Variants in USP39 observed in about 807,000 individuals in gnomAD.
USP39 encodes the protein ubiquitin carboxyl-terminal hydrolase 39.
Under a neutral mutation model 66.4 loss-of-function variants are expected in USP39, and 38 were observed. That is an observed-to-expected ratio of 0.57 (90% CI 0.44 to 0.75). The LOEUF (loss-of-function observed/expected upper bound fraction) is 0.75. Ranked by LOEUF, USP39 falls within the 30% of genes least tolerant of loss-of-function variation. The pLI, the probability that USP39 is intolerant of heterozygous loss-of-function variation, is 0.00. For missense variants in USP39, 608 were observed against 714.4 expected (o/e 0.85, Z 1.70); for synonymous variants, 303 against 274.6 (o/e 1.10, Z -1.02).
At chr2:85,647,108 C>G (rs748541430) in intron 11 of USP39, among the ~76,000 whole-genome samples, 3 of 152,062 alleles carry the variant, frequency 2.0e-5, no homozygotes, top group Non-Finnish European at 4.4e-5. Context: ...AGGCTGGTCT[C>G]AAACTCCTTA....
upstream of USP39, chr2:85,608,889 G>T: frequency 6.2e-7 from 1 of 1,600,512 alleles, no homozygotes; most frequent in Non-Finnish European, 8.5e-7. Flanking sequence ...AAATTCCCTG[G>T]GCAGAATTCT....
At chr2:85,634,421 A>T (rs1409396656) in intron 6 of USP39, among the ~76,000 whole-genome samples, 1 of 152,078 alleles carries the variant, frequency 6.6e-6, no homozygotes, top group African/African-American at 2.4e-5. Context: ...AAAAAATGTA[A>T]AAGTTAGCCG....
chr2:85,624,168 C>G (rs1380739051), intron 4 of USP39, among the ~76,000 whole-genome samples: 1 of 152,118 alleles, frequency 6.6e-6, no homozygotes, highest in Non-Finnish European at 1.5e-5. Flanking sequence ...TACGCCGTGG[C>G]CAGAGCATCC....
At position 85,623,710 on chromosome 2, in the gene USP39, C is replaced by T. The variant is rs777449050; in HGVS notation, c.498C>T (p.Asn166=). 2.5e-6 allele frequency: 4 copies of T among 1,614,040 alleles called. No homozygotes were observed. Among genetic ancestry groups the T allele is most frequent in the Non-Finnish European group, 8.5e-7 (1 of 1,179,986 alleles). The change falls in exon 4 of 13, where the codon AAC becomes AAT. Residue 166 remains asparagine (N), a synonymous_variant. Coordinates refer to ENST00000323701, the MANE Select transcript of USP39 (RefSeq NM_006590.4). The part of the protein sequence containing the change: ...SVQFSHHVFL[N]LHTLKFYCLP... The stretch of plus-strand genomic sequence containing the variant: ...AGTTTAGCCACCATGTTTTCCTCAA[C>T]CTCCACACCCTCAAGTTTTACTGCC...
chr2:85,611,434 T>C, upstream of USP39: 1 of 1,524,574 alleles, frequency 6.6e-7, no homozygotes, highest in Non-Finnish European at 8.8e-7. Flanking sequence ...GCAGATAAAC[T>C]TCTTGCTGGC....
upstream of USP39, chr2:85,609,496 T>A (rs756598972): frequency 6.2e-7 from 1 of 1,614,222 alleles, no homozygotes; most frequent in East Asian, 2.2e-5. Context: ...GCAGAAGAGC[T>A]GATGGCCAGA....
chr2:85,604,213 G>A (rs1242998866), intron 1 of USP39, among the ~76,000 whole-genome samples: 1 of 152,108 alleles, frequency 6.6e-6, no homozygotes, highest in Non-Finnish European at 1.5e-5. Flanking sequence ...ACCTGTTGGA[G>A]AGCCCTTTTT....
At chr2:85,611,745 T>A (rs1159091837), upstream of USP39, 4 of 1,611,430 alleles carry the variant, frequency 2.5e-6, no homozygotes, top group South Asian at 2.2e-5. Flanking sequence ...CCTCCTCACC[T>A]TCTCCTTGGC....
At chr2:85,646,187 C>T (rs970486596) in intron 11 of USP39, 2 of 152,194 alleles carry the variant, frequency 1.3e-5, no homozygotes, top group African/African-American at 4.8e-5. Context: ...GGCTCCCTTT[C>T]ATCTTAAAAA....
At chr2:85,615,036 G>GTGGT (rs1233696168), upstream of USP39, among the ~76,000 whole-genome samples, 10 of 131,510 alleles carry the variant, frequency 7.6e-5, no homozygotes, top group African/African-American at 3.5e-4. Flanking sequence ...TGTGGTGTGG[G>GTGGT]TATGACAGAG....
upstream of USP39, chr2:85,608,606 C>A (rs1050137572): frequency 2.5e-5 from 5 of 199,346 alleles, no homozygotes; most frequent in Non-Finnish European, 5.0e-5. Context: ...AGGCATATGA[C>A]CTCGGTGAGA....
At position 85,648,969 on chromosome 2, in the gene USP39, G is replaced by C; in HGVS notation, c.*161G>C. 1 of 761,404 alleles carries C rather than the reference G, an allele frequency of 1.3e-6. No individual in the cohort carries two copies. The highest frequency in any genetic ancestry group is 2.2e-6 in the Non-Finnish European group (1 of 445,782). The allele number at this position is 761,404 out of a possible 1,614,324, so 47.2% of individuals were successfully genotyped here. A position where few individuals can be genotyped will look rare whatever the true frequency, so the allele number is the denominator to read the frequency against. On this transcript the variant is annotated 3_prime_UTR_variant, in exon 13 of 13. Coordinates refer to ENST00000323701, the MANE Select transcript of USP39 (RefSeq NM_006590.4). ...GAGCACCAAGAGCCCACTTGCCTGG[G>C]ATGGCCCCACACTGTCACTCAGCTG... is the stretch of plus-strand genomic sequence containing the variant.
At chr2:85,646,928 C>G (rs1442827030) in intron 11 of USP39, among the ~76,000 whole-genome samples, 9 of 147,346 alleles carry the variant, frequency 6.1e-5, no homozygotes, top group Admixed American at 3.4e-4. Flanking sequence ...CACCCTATCA[C>G]CCAGGATGGA....
At chr2:85,625,777 G>A (rs1674805356) in intron 5 of USP39, 86 bp downstream of exon 5, 1 of 1,519,348 alleles carries the variant, frequency 6.6e-7, no homozygotes, top group South Asian at 1.2e-5. Flanking sequence ...CCAGCACTTT[G>A]GGAGGCCAAG....
At chr2:85,615,943 C>A (rs981276214), upstream of USP39, 4 of 680,662 alleles carry the variant, frequency 5.9e-6, no homozygotes, top group African/African-American at 5.9e-5. Flanking sequence ...CAGCTTTTAT[C>A]CAGAAAACTG....
At chr2:85,628,576 GTGA>G (rs1171670605) in intron 5 of USP39, among the ~76,000 whole-genome samples, 1 of 152,190 alleles carries the variant, frequency 6.6e-6, no homozygotes, top group Non-Finnish European at 1.5e-5. Context: ...CAAACCCTGT[GTGA>G]TGATGTTTCC....
At chr2:85,616,679 T>A (rs1673995976) in intron 1 of USP39, among the ~76,000 whole-genome samples, 1 of 616 alleles carries the variant, frequency 1.6e-3, no homozygotes, top group Admixed American at 0.036. Flanking sequence ...TTCTTTTTTC[T>A]TTTTTTTTTT....
At chr2:85,608,093 G>A (rs1047051094), upstream of USP39, 6 of 152,182 alleles carry the variant, frequency 3.9e-5, no homozygotes, top group Admixed American at 2.6e-4. Context: ...CTTTTAGTCT[G>A]AGCAGAGGAC....
In USP39 at chr2:85,621,366, T is replaced by A. The variant is rs181614180; in HGVS notation, c.339-119T>A. On this transcript the variant is annotated intron_variant, in intron 2 of 12. Transcript: ENST00000323701. Reference sequence around the variant, plus strand: ...GTGTCCCCCATGGTGTATATATGGTTGTGAACTGTTTTCTGAAGGATGTTA... The same window carrying A: ...GTGTCCCCCATGGTGTATATATGGTAGTGAACTGTTTTCTGAAGGATGTTA... 49 of 787,538 alleles carry A rather than the reference T, an allele frequency of 6.2e-5. No homozygotes were observed. In the East Asian group the frequency reaches 1.2e-3, roughly 19 times the overall value. 48.8% of individuals were successfully genotyped at this position (787,538 alleles called of 1,614,324 possible).
Sources: gnomAD v4.1 joint callset for allele counts (sites outside exome capture counted in the v4.1 genomes callset) on GRCh38, gnomAD v4.1.1 for gene constraint, MANE v1.5 for transcripts, NCBI Gene and HGNC (gene_info 2026-07-23, HGNC 2026-07-21) for gene names.